PARP15: variants seen among roughly 807,000 people sequenced by gnomAD.
PARP15 encodes the protein poly(ADP-ribose) polymerase family member 15, also known as protein mono-ADP-ribosyltransferase PARP15.
PARP15 carries 50 observed loss-of-function variants against 62.1 expected under a neutral mutation model. The ratio of observed to expected loss-of-function variants is 0.81; its 90% CI spans 0.64 to 1.02. The LOEUF (loss-of-function observed/expected upper bound fraction) is 1.02, where lower values mean the gene tolerates loss of function less well. Ranked by LOEUF, PARP15 falls within the 50% of genes least tolerant of loss-of-function variation. The pLI is 0.00. For missense variants in PARP15, 820 were observed against 826.5 expected (o/e 0.99, Z 0.10); for synonymous variants, 309 against 293.1 (o/e 1.05, Z -0.55).
In PARP15 at chr3:122,605,984, G is replaced by A; in HGVS notation, c.235G>A (p.Val79Ile). 3 of 1,551,926 alleles carry A rather than the reference G, an allele frequency of 1.9e-6. No homozygotes were observed. Among genetic ancestry groups the A allele is most frequent in the Non-Finnish European group, 2.6e-6 (3 of 1,146,946 alleles). ...GAAAGATTGTCTTTCAATCAGGAAT[G>A]TTGTAGCTTCAATCCAAACCAAAGA... ...SKKDCLSIRN[V>I]VASIQTKEGL... Residue 79 changes from valine (V) to isoleucine (I), a missense_variant, in exon 2 of 12, where the codon GTT becomes ATT. By Grantham distance (29) the Val-to-Ile change is conservative. This residue lies in a region of PARP15 where 731 missense variants were observed against 727.7 expected (regional missense o/e 1.00). Transcript: ENST00000464300.
Position 122,577,739 on chromosome 3 carries a change from C to A in PARP15, c.72C>A (p.His24Gln), listed in dbSNP as rs1014381391. 1 of 1,551,580 alleles carries A rather than the reference C, an allele frequency of 6.4e-7. No individual in the cohort carries two copies. Among genetic ancestry groups the A allele is most frequent in the Admixed American group, 2.0e-5 (1 of 50,990 alleles). The change falls in exon 1 of 12, where the codon CAC becomes CAA. Residue 24 changes from histidine (H) to glutamine (Q), a missense_variant. Transcript: ENST00000464300. ...PGAPTPRELM[H>Q]GVAGVTSRAG... is the part of the protein sequence containing the mutation. ...CTCCGACCCCCAGAGAACTTATGCA[C>A]GGAGTTGCAGGTGTTACTTCCAGAG...
Position 122,635,180 on chromosome 3 carries a change from G to A in PARP15, c.1733G>A (p.Cys578Tyr). The change falls in exon 11 of 12, where the codon TGT becomes TAT. Residue 578 changes from cysteine to tyrosine, a missense_variant. Transcript: ENST00000464300. Reference sequence around the variant, plus strand: ...AATCAGCACGGCTTTAATAGAAGTTGTGCTGGGAAAAATGGTAAGGAAGCA... The same window carrying A: ...AATCAGCACGGCTTTAATAGAAGTTATGCTGGGAAAAATGGTAAGGAAGCA... ...YVNQHGFNRS[C>Y]AGKNAVSYGK... is the part of the protein sequence containing the mutation. The A allele has an allele frequency of 1.2e-6, 2 of 1,612,912 alleles. No individual in the cohort carries two copies. The highest frequency in any genetic ancestry group is 2.2e-5 in the East Asian group (1 of 44,870).
chr3:122,600,594 G>A (rs1443663733), intron 1 of PARP15, among the ~76,000 whole-genome samples: 1 of 152,014 alleles, frequency 6.6e-6, no homozygotes, highest in Non-Finnish European at 1.5e-5. Context: ...ACATGGTTTT[G>A]CATCCTTTCA....
chr3:122,621,053 G>C lies in PARP15; in HGVS notation c.1064-391G>C, dbSNP rs115672673. On this transcript the variant is annotated intron_variant, in intron 7 of 11. Transcript: ENST00000464300. ...AATTGCTCTTCTGGGACAGCAGAGT[G>C]GGGGTTAAGAGCTATGGAGACTGGC... Among the ~76,000 whole-genome samples the C allele has an allele frequency of 7.6e-3, 1,162 of 152,252 alleles. 16 individuals are homozygous for C. Among genetic ancestry groups the C allele is most frequent in the African/African-American group, 0.026 (1,097 of 41,540 alleles).
At chr3:122,635,286 C>T (rs1937291873) in intron 11 of PARP15, 92 bp downstream of exon 11, 2 of 1,178,072 alleles carry the variant, frequency 1.7e-6, no homozygotes, top group East Asian at 5.1e-5. Context: ...TGGTGGGCAG[C>T]TGTATTATCA....
intron 1 of PARP15, among the ~76,000 whole-genome samples, chr3:122,601,933 T>C (rs2107511979): frequency 6.6e-6 from 1 of 151,052 alleles, no homozygotes; most frequent in Non-Finnish European, 1.5e-5. Flanking sequence ...TTGCATTTGG[T>C]GGCCTTTTTT....
intron 2 of PARP15, among the ~76,000 whole-genome samples, chr3:122,607,990 A>G (rs966826573): frequency 6.6e-6 from 1 of 152,060 alleles, no homozygotes; most frequent in African/African-American, 2.4e-5. Context: ...TATATATTCC[A>G]AAAACATTAT....
rs1937327209 is a variant in PARP15, at chr3:122,635,797, CTTTCTCTTTCCAG to C, written c.1748-13_1748-1del. The C allele has an allele frequency of 6.3e-7, 1 of 1,599,636 alleles. No homozygotes were observed. Among genetic ancestry groups the C allele is most frequent in the African/African-American group, 1.3e-5 (1 of 74,160 alleles). ...TTTATATTCTTAGGAAGGTTTTTGT[CTTTCTCTTTCCAG>C]CTGTATCCTATGGAAAAGGAACCTA... On this transcript the variant is annotated splice_acceptor_variant and splice_polypyrimidine_tract_variant and intron_variant, in intron 11 of 11. Coordinates refer to ENST00000464300, the MANE Select transcript of PARP15 (RefSeq NM_001113523.3). LOFTEE classifies it high-confidence loss of function.
rs757473878 is a variant in PARP15 at position 122,626,943 on chromosome 3, C to T, written c.1348C>T (p.Pro450Ser). 5.6e-6 allele frequency: 9 copies of T among 1,614,030 alleles called. 1 individual carries two copies. Among genetic ancestry groups the T allele is most frequent in the South Asian group, 4.4e-5 (4 of 91,070 alleles). ...LKTVKVVIFQ[P>S]ELLNIFYDSM... ...AACAGTTAAAGTTGTCATTTTTCAACCTGAGCTGCTAAATATATTCTACGA... is the reference window on the plus strand; with the variant it reads ...AACAGTTAAAGTTGTCATTTTTCAATCTGAGCTGCTAAATATATTCTACGA... Residue 450 changes from proline to serine, a missense_variant, in exon 9 of 12, where the codon CCT becomes TCT. Around this residue, in one of 3 missense-constraint regions of PARP15, gnomAD observed 731 missense variants for 727.7 expected, o/e 1.00. Transcript: ENST00000464300.
chr3:122,603,215 G>A (rs1304108958), intron 1 of PARP15, among the ~76,000 whole-genome samples: 1 of 152,106 alleles, frequency 6.6e-6, no homozygotes, highest in African/African-American at 2.4e-5. Context: ...GCATATGGAA[G>A]TTCCTGCCTA....
intron 10 of PARP15, among the ~76,000 whole-genome samples, chr3:122,634,191 C>T (rs1012035107): frequency 6.6e-5 from 10 of 152,176 alleles, no homozygotes; most frequent in African/African-American, 9.7e-5. Context: ...TTTCCTCCTC[C>T]TTCCCCAGAC....
intron 3 of PARP15, among the ~76,000 whole-genome samples, 154 bp downstream of exon 3, chr3:122,610,884 G>A (rs1248860569): frequency 6.6e-6 from 1 of 152,076 alleles, no homozygotes; most frequent in Non-Finnish European, 1.5e-5. Context: ...TAGAAGCGAG[G>A]GATGCTGGTA....
intron 1 of PARP15, among the ~76,000 whole-genome samples, chr3:122,595,874 C>G (rs1934299203): frequency 6.6e-6 from 1 of 151,932 alleles, no homozygotes; most frequent in Non-Finnish European, 1.5e-5. Flanking sequence ...CCTCTTCTTT[C>G]CTCCAGTTCT....
chr3:122,630,217 C>T (rs1936986576), intron 9 of PARP15, among the ~76,000 whole-genome samples: 1 of 152,166 alleles, frequency 6.6e-6, no homozygotes, highest in African/African-American at 2.4e-5. Flanking sequence ...CCATGTGATG[C>T]TGGGTGAGTA....
chr3:122,629,070 G>A (rs764691212), intron 9 of PARP15, among the ~76,000 whole-genome samples: 3 of 152,206 alleles, frequency 2.0e-5, no homozygotes, highest in Admixed American at 6.5e-5. Context: ...GTGAGTAGGT[G>A]GGATTGAAGT....
At chr3:122,604,633 T>C (rs1935031411) in intron 1 of PARP15, among the ~76,000 whole-genome samples, 1 of 151,846 alleles carries the variant, frequency 6.6e-6, no homozygotes, top group Non-Finnish European at 1.5e-5. Context: ...GGCGGGCAGA[T>C]CACGAGGTCA....
chr3:122,626,195 TC>T (rs1467978399), intron 8 of PARP15, among the ~76,000 whole-genome samples: 18 of 129,114 alleles, frequency 1.4e-4, no homozygotes, highest in Admixed American at 1.3e-3. Flanking sequence ...CAGCTGTCAC[TC>T]TTTTTTTTTT....
intron 5 of PARP15, 110 bp downstream of exon 5, chr3:122,615,967 T>C: frequency 9.6e-7 from 1 of 1,046,874 alleles, no homozygotes; most frequent in Non-Finnish European, 1.4e-6. Context: ...GAAGAACAAA[T>C]CTGTGATGGG....
rs984674956 is a variant in PARP15 at position 122,610,719 on chromosome 3, A to G, written c.532A>G (p.Thr178Ala). The G allele has an allele frequency of 6.6e-7, 1 of 1,514,418 alleles. No homozygotes were observed. The highest frequency in any genetic ancestry group is 1.4e-5 in the African/African-American group (1 of 71,494). 93.8% of individuals were successfully genotyped at this position (1,514,418 alleles called of 1,614,324 possible). The change falls in exon 3 of 12, where the codon ACT becomes GCT. Residue 178 changes from threonine to alanine, a missense_variant. Transcript: ENST00000464300. ...TCCATACTGGAATAATGGAGCAGAG[A>G]CTTCTTGGCAGGTAGGGAACGCTCT... ...VAPYWNNGAE[T>A]SWQIMANIIK...
Sources: allele counts gnomAD v4.1 joint callset (sites outside exome capture counted in the v4.1 genomes callset), GRCh38; gene constraint gnomAD v4.1.1; regional missense constraint gnomAD v4.1.1; transcripts MANE v1.5; gene names NCBI Gene and HGNC (gene_info 2026-07-23, HGNC 2026-07-21).